TAF3: variants seen among roughly 807,000 people sequenced by gnomAD.
The protein encoded by TAF3 is transcription initiation factor TFIID subunit 3.
A neutral mutation model predicts 80.6 loss-of-function variants in TAF3; 7 were observed. That is an observed-to-expected ratio of 0.09 (90% confidence interval 0.05 to 0.16). The LOEUF (loss-of-function observed/expected upper bound fraction) is 0.16. Among genes scored for constraint, TAF3 ranks in the 10% least tolerant of loss-of-function variants. The pLI is 1.00. For missense variants in TAF3, 921 were observed against 1,140.2 expected, an observed-to-expected ratio of 0.81 and a Z score of 2.77; for synonymous variants, 444 against 446.1, an observed-to-expected ratio of 1.00 and a Z score of 0.06.
intron 2 of TAF3, among the ~76,000 whole-genome samples, chr10:7,891,370 T>A (rs1554780294): frequency 5.3e-5 from 8 of 152,184 alleles, no homozygotes; most frequent in Admixed American, 4.6e-4. Context: ...AGCCACTTTT[T>A]AAAAAAACCT....
intron 2 of TAF3, among the ~76,000 whole-genome samples, chr10:7,963,232 C>T (rs753698512): frequency 2.6e-5 from 4 of 152,122 alleles, no homozygotes; most frequent in Non-Finnish European, 5.9e-5. Flanking sequence ...ATACTAAGTC[C>T]TATAATAATC....
At position 7,959,270 on chromosome 10, in the gene TAF3, T is replaced by G. The variant is rs1038484117; in HGVS notation, c.410-4650T>G. On this transcript the variant is annotated intron_variant, in intron 2 of 6. Coordinates refer to ENST00000344293, the MANE Select transcript of TAF3 (RefSeq NM_031923.4). ...ATAAAATCTTAAGTAAATAAGAAAG[T>G]GTAAATTAAACAAATAAAAATAAGA... Among the ~76,000 whole-genome samples the G allele has an allele frequency of 2.0e-5, 3 of 152,178 alleles. No individual in the cohort carries two copies. The South Asian group carries it at 6.2e-4, about 32-fold the overall frequency.
intron 2 of TAF3, among the ~76,000 whole-genome samples, chr10:7,857,360 G>C (rs892580714): frequency 6.6e-6 from 1 of 152,228 alleles, no homozygotes. Context: ...CGATTAGCAA[G>C]TTAGAGCAGT....
At chr10:7,831,644 T>A (rs1362040021) in intron 2 of TAF3, among the ~76,000 whole-genome samples, 1 of 152,150 alleles carries the variant, frequency 6.6e-6, no homozygotes, top group African/African-American at 2.4e-5. Flanking sequence ...GTGCCCGGCC[T>A]CATTACAGTT....
chr10:7,826,353 G>T (rs1836740755), intron 2 of TAF3, among the ~76,000 whole-genome samples: 1 of 152,108 alleles, frequency 6.6e-6, no homozygotes, highest in Admixed American at 6.5e-5. Flanking sequence ...AAGTGCTATG[G>T]TTATCATATT....
At chr10:7,829,520 A>G (rs1357755402) in intron 2 of TAF3, among the ~76,000 whole-genome samples, 2 of 152,074 alleles carry the variant, frequency 1.3e-5, no homozygotes, top group Non-Finnish European at 2.9e-5. Flanking sequence ...TTGGTTAGGT[A>G]TATTGTCGGA....
intron 3 of TAF3, among the ~76,000 whole-genome samples, chr10:7,968,081 A>G (rs186675034): frequency 2.6e-5 from 4 of 152,158 alleles, no homozygotes; most frequent in Non-Finnish European, 5.9e-5. Context: ...GCGGTTCCAT[A>G]TGGTCCGAGA....
chr10:7,938,264 G>A (rs377452794), intron 2 of TAF3, among the ~76,000 whole-genome samples: 5 of 152,172 alleles, frequency 3.3e-5, no homozygotes, highest in Admixed American at 6.5e-5. Context: ...ATGGGGAGGT[G>A]TGTGGGGATA....
intron 2 of TAF3, among the ~76,000 whole-genome samples, chr10:7,845,386 T>C (rs1394070065): frequency 6.6e-6 from 1 of 152,190 alleles, no homozygotes; most frequent in Non-Finnish European, 1.5e-5. Context: ...TGTCCTCCGT[T>C]TTTCGTTTAA....
intron 4 of TAF3, among the ~76,000 whole-genome samples, chr10:7,985,957 T>C (rs894728390): frequency 6.6e-6 from 1 of 152,080 alleles, no homozygotes; most frequent in African/African-American, 2.4e-5. Context: ...CTAATTTTTG[T>C]ATTTTTAGTA....
intron 2 of TAF3, among the ~76,000 whole-genome samples, chr10:7,852,011 C>T (rs1283008169): frequency 1.3e-5 from 2 of 151,762 alleles, no homozygotes; most frequent in Non-Finnish European, 1.5e-5. Flanking sequence ...CTTGAACTCT[C>T]GGGCTCAAAC....
intron 2 of TAF3, among the ~76,000 whole-genome samples, chr10:7,870,528 T>C (rs1225825808): frequency 1.3e-5 from 2 of 152,210 alleles, no homozygotes; most frequent in East Asian, 3.8e-4. Context: ...GTAAACTTCA[T>C]TTTTCTATTG....
chr10:7,956,292 A>G (rs1225128596), intron 2 of TAF3, among the ~76,000 whole-genome samples: 1 of 152,146 alleles, frequency 6.6e-6, no homozygotes, highest in Non-Finnish European at 1.5e-5. Flanking sequence ...GTTTGAGACC[A>G]GCCTGCCAGC....
intron 3 of TAF3, among the ~76,000 whole-genome samples, chr10:7,969,028 G>A (rs1005528796): frequency 2.0e-5 from 3 of 152,114 alleles, no homozygotes; most frequent in African/African-American, 4.8e-5. Context: ...ACATGTTAAT[G>A]GCCAGGTGCA....
At chr10:7,901,589 T>C (rs1462088226) in intron 2 of TAF3, among the ~76,000 whole-genome samples, 1 of 152,212 alleles carries the variant, frequency 6.6e-6, no homozygotes, top group East Asian at 1.9e-4. Context: ...TTTTTTCCCA[T>C]GATCTTTGAA....
chr10:7,832,042 A>C (rs1407822874), intron 2 of TAF3, among the ~76,000 whole-genome samples: 1 of 152,122 alleles, frequency 6.6e-6, no homozygotes, highest in African/African-American at 2.4e-5. Flanking sequence ...TTTTGTGGAG[A>C]GAACATTTAA....
intron 2 of TAF3, among the ~76,000 whole-genome samples, chr10:7,945,379 A>G (rs1010574098): frequency 6.6e-6 from 1 of 152,160 alleles, no homozygotes; most frequent in African/African-American, 2.4e-5. Context: ...TTAGTGGATT[A>G]AAAAAACTGT....
At chr10:7,840,304 C>T (rs917386217) in intron 2 of TAF3, among the ~76,000 whole-genome samples, 1 of 151,902 alleles carries the variant, frequency 6.6e-6, no homozygotes, top group East Asian at 1.9e-4. Flanking sequence ...AGGCGCCCGC[C>T]ACCACGCCTG....
intron 2 of TAF3, among the ~76,000 whole-genome samples, chr10:7,956,212 G>A (rs377957): frequency 0.31 from 47,603 of 151,938 alleles, 7,770 homozygotes; most frequent in African/African-American, 0.41. Flanking sequence ...AAAATAGGCC[G>A]GGCGCGGTGT....
Sources: gnomAD v4.1 joint callset for allele counts (sites outside exome capture counted in the v4.1 genomes callset) on GRCh38, gnomAD v4.1.1 for gene constraint, MANE v1.5 for transcripts, NCBI Gene and HGNC (gene_info 2026-07-23, HGNC 2026-07-21) for gene names.